The following MLPH variants were observed in gnomAD, a reference collection of about 807,000 sequenced individuals.
MLPH encodes exophilin-3.
A neutral mutation model predicts 72.1 loss-of-function variants in MLPH; 51 were observed. The observed-to-expected ratio is 0.71, with a 90% CI of 0.56 to 0.89. The LOEUF (loss-of-function observed/expected upper bound fraction) is 0.89, where lower values mean the gene tolerates loss of function less well. MLPH is among the 40% of genes least tolerant of loss of function. MLPH has a pLI of 0.00. For missense variants in MLPH, 743 were observed against 759.9 expected (o/e 0.98, Z 0.26); for synonymous variants, 301 against 310.1 (o/e 0.97, Z 0.31).
intron 1 of MLPH, among the ~76,000 whole-genome samples, chr2:237,490,206 A>G (rs1378731654): frequency 6.6e-6 from 1 of 151,696 alleles, no homozygotes. Flanking sequence ...GCAGCCCTGC[A>G]CTCCTCATGG....
intron 8 of MLPH, among the ~76,000 whole-genome samples, chr2:237,531,292 G>A (rs182502015): frequency 4.6e-5 from 7 of 152,314 alleles, no homozygotes; most frequent in Non-Finnish European, 1.0e-4. Context: ...GTGGATGCAG[G>A]GGACAGTGGA....
chr2:237,496,769 G>T (rs2079544446), intron 2 of MLPH, among the ~76,000 whole-genome samples: 1 of 152,220 alleles, frequency 6.6e-6, no homozygotes. Context: ...GGCCGCATGA[G>T]CGTAGAGTAC....
intron 9 of MLPH, among the ~76,000 whole-genome samples, chr2:237,537,889 C>T (rs539609280): frequency 6.6e-6 from 1 of 152,298 alleles, no homozygotes; most frequent in Non-Finnish European, 1.5e-5. Flanking sequence ...ACTAAAGTTC[C>T]CCAGGTGGCA....
chr2:237,503,038 G>C (rs1229911931), intron 2 of MLPH, among the ~76,000 whole-genome samples: 1 of 152,206 alleles, frequency 6.6e-6, no homozygotes, highest in Non-Finnish European at 1.5e-5. Context: ...AGAATCGCTT[G>C]AACCCGGGGG....
At chr2:237,542,701 G>T in intron 12 of MLPH, 42 bp downstream of exon 12, 1 of 1,407,402 alleles carries the variant, frequency 7.1e-7, no homozygotes, top group Non-Finnish European at 9.7e-7. Context: ...TGCTGAGTGG[G>T]GGGGCAGTGG....
At chr2:237,542,693 CTGAGTGGGGGGGCAGTGGTGAGTGGCGG>C in intron 12 of MLPH, 34 bp downstream of exon 12, 2 of 1,304,974 alleles carry the variant, frequency 1.5e-6, no homozygotes, top group Non-Finnish European at 2.0e-6. Context: ...GGAGACAGTG[CTGAGTGGGGGGGCAGTGGTGAGTGGCGG>C]ACAGTGGTGA....
chr2:237,489,269 T>C (rs1049599521), intron 1 of MLPH, among the ~76,000 whole-genome samples: 7 of 152,230 alleles, frequency 4.6e-5, no homozygotes, highest in Non-Finnish European at 8.8e-5. Flanking sequence ...AAATGAGGTT[T>C]ACCACCAACT....
intron 1 of MLPH, among the ~76,000 whole-genome samples, chr2:237,491,256 A>T (rs2079423649): frequency 6.6e-6 from 1 of 152,232 alleles, no homozygotes; most frequent in Non-Finnish European, 1.5e-5. Flanking sequence ...CCCTGAAAGC[A>T]CACAGATTGG....
intron 1 of MLPH, 47 bp from the exon 2 acceptor site, chr2:237,493,356 T>A (rs2106454571): frequency 1.7e-6 from 2 of 1,197,880 alleles, no homozygotes; most frequent in African/African-American, 1.5e-5. Flanking sequence ...TTGATTGGTA[T>A]TGGTAGGCTT....
In MLPH at chr2:237,525,836, G is replaced by A. The variant is rs766266453; in HGVS notation, c.880+31G>A. ...TGCCCTTGGCCAGGGTCTTCCTGAT[G>A]GGCTCGGCATGGGGGAGCAGGTCAC... On this transcript the variant is annotated intron_variant, in intron 7 of 15. Transcript: ENST00000264605. 6 of 1,601,060 alleles carry A rather than the reference G, an allele frequency of 3.7e-6. No individual in the cohort carries two copies. The South Asian group carries it at 6.6e-5, about 18-fold the overall frequency.
chr2:237,553,807 C>A lies in MLPH; in HGVS notation c.*215C>A. The A allele has an allele frequency of 1.4e-6, 1 of 727,552 alleles. No individual in the cohort carries two copies. The highest frequency in any genetic ancestry group is 2.6e-5 in the East Asian group (1 of 37,860). 45.1% of individuals were successfully genotyped at this position (727,552 alleles called of 1,614,324 possible). On this transcript the variant is annotated 3_prime_UTR_variant, in exon 16 of 16. Transcript: ENST00000264605. ...GGTTTACTGATGACTCCTGGCTGCC[C>A]CACCATCCTCTCTGATCTGTGAGAA...
chr2:237,547,558 G>A (rs1177693118), intron 13 of MLPH, among the ~76,000 whole-genome samples: 2 of 14,206 alleles, frequency 1.4e-4, no homozygotes, highest in Admixed American at 6.1e-4. Flanking sequence ...GGAGCTCCCC[G>A]TGTTCAGGTG....
At chr2:237,540,298 A>G in intron 9 of MLPH, 50 bp from the exon 10 acceptor site, 3 of 1,598,208 alleles carry the variant, frequency 1.9e-6, no homozygotes, top group Non-Finnish European at 2.6e-6. Context: ...CTGGAGCTCC[A>G]TGGCTCCAGA....
chr2:237,534,209 T>A (rs915779675), intron 8 of MLPH, among the ~76,000 whole-genome samples: 2 of 152,224 alleles, frequency 1.3e-5, no homozygotes, highest in Non-Finnish European at 2.9e-5. Context: ...AATTAACTGA[T>A]GTCTTCCTGT....
intron 2 of MLPH, among the ~76,000 whole-genome samples, chr2:237,494,544 G>A (rs2079496703): frequency 6.6e-6 from 1 of 152,128 alleles, no homozygotes; most frequent in Non-Finnish European, 1.5e-5. Flanking sequence ...GCTCTGTGAA[G>A]TGGCCAGATG....
In MLPH at chr2:237,537,320, C is replaced by T. The variant is rs541866786; in HGVS notation, c.1104+2673C>T. Reference sequence around the variant, plus strand: ...TGAATTTATTTACTGGCTTACAAAGCGAAGACAATCCCTGCCTCTCCCAGG... The same window carrying T: ...TGAATTTATTTACTGGCTTACAAAGTGAAGACAATCCCTGCCTCTCCCAGG... On this transcript the variant is annotated intron_variant, in intron 9 of 15. Transcript: ENST00000264605. Among the ~76,000 whole-genome samples the T allele has an allele frequency of 1.2e-3, 190 of 152,272 alleles. 1 individual carries two copies. Among genetic ancestry groups the T allele is most frequent in the Non-Finnish European group, 2.1e-3 (144 of 68,012 alleles).
At chr2:237,542,466 T>C (rs2080711594) in intron 11 of MLPH, 101 bp from the exon 12 acceptor site, 11 of 938,026 alleles carry the variant, frequency 1.2e-5, no homozygotes, top group South Asian at 9.8e-5. Context: ...TAAAATTGGC[T>C]CCAGGACTGA....
intron 1 of MLPH, among the ~76,000 whole-genome samples, chr2:237,491,254 G>T (rs745565989): frequency 6.6e-6 from 1 of 152,212 alleles, no homozygotes; most frequent in African/African-American, 2.4e-5. Flanking sequence ...CCCCCTGAAA[G>T]CACACAGATT....
At chr2:237,497,936 C>T (rs1192215285) in intron 2 of MLPH, among the ~76,000 whole-genome samples, 2 of 152,122 alleles carry the variant, frequency 1.3e-5, no homozygotes, top group Non-Finnish European at 2.9e-5. Flanking sequence ...AAGTAGGTGG[C>T]GGTAACAAAT....
Sources: gnomAD v4.1 joint callset for allele counts (sites outside exome capture counted in the v4.1 genomes callset) on GRCh38, gnomAD v4.1.1 for gene constraint, MANE v1.5 for transcripts, NCBI Gene and HGNC (gene_info 2026-07-23, HGNC 2026-07-21) for gene names.